CATSPERG: variants seen among roughly 807,000 people sequenced by gnomAD.
CATSPERG encodes catsper channel auxiliary subunit gamma, also known as cation channel sperm-associated auxiliary subunit gamma.
In CATSPERG, 115 loss-of-function variants were observed where a neutral mutation model predicts 145.0. The ratio of observed to expected loss-of-function variants is 0.79; its 90% CI spans 0.68 to 0.93. The LOEUF is 0.93. Among genes scored for constraint, CATSPERG ranks in the 40% least tolerant of loss-of-function variants. The pLI, the probability that CATSPERG is intolerant of heterozygous loss-of-function variation, is 0.00. For synonymous variants in CATSPERG, 588 were observed against 589.0 expected (o/e 1.00, Z 0.02); for missense variants, 1,296 against 1,490.1 (o/e 0.87, Z 2.14).
rs1457655650 is a variant in CATSPERG, at chr19:38,344,899, A to AT, written c.669+532dup. The stretch of plus-strand genomic sequence containing the variant: ...CACACACACATATATATATATATAT[A>AT]TATTTTTTTTTTTTTTTTTTTTTTT... On this transcript the variant is annotated intron_variant, in intron 6 of 28. Transcript: ENST00000409235. Among the ~76,000 whole-genome samples the AT allele has an allele frequency of 5.2e-3, 486 of 93,048 alleles. 67 individuals are homozygous for AT. The highest frequency in any genetic ancestry group is 0.011 in the Admixed American group (78 of 7,050). The allele number at this position is 93,048 out of a possible 152,430, so 61.0% of individuals were successfully genotyped here.
chr19:38,337,618 T>A lies in CATSPERG; in HGVS notation c.296T>A (p.Leu99Gln). The change falls in exon 3 of 29, where the codon CTG (leucine) becomes CAG (glutamine). Residue 99 changes from leucine (L) to glutamine (Q), a missense_variant. Leu to Gln is a moderately radical substitution (Grantham distance 113, BLOSUM62 -2). Transcript: ENST00000409235. Reference protein sequence around the residue: ...SEKYLGFPYYLKINYSCEEKP... With the variant: ...SEKYLGFPYYQKINYSCEEKP... Reference sequence around the variant, plus strand: ...AAATACCTGGGCTTCCCTTACTACCTGAAGATCAACTACTCCTGCGAGGAA... The same window carrying A: ...AAATACCTGGGCTTCCCTTACTACCAGAAGATCAACTACTCCTGCGAGGAA... 6.4e-7 allele frequency: 1 copy of A among 1,551,724 alleles called. No homozygotes were observed. The highest frequency in any genetic ancestry group is 8.7e-7 in the Non-Finnish European group (1 of 1,147,010).
chr19:38,361,954 C>T (rs1970354413), intron 17 of CATSPERG, 93 bp downstream of exon 17: 3 of 386,748 alleles, frequency 7.8e-6, no homozygotes, highest in South Asian at 6.1e-5. Context: ...CGGAGCGCAG[C>T]GGGATTGGAG....
chr19:38,365,222 T>C, intron 22 of CATSPERG, 105 bp downstream of exon 22: 3 of 979,014 alleles, frequency 3.1e-6, no homozygotes, highest in Middle Eastern at 3.2e-4. Context: ...TAATTTCCTT[T>C]CTTCTCATTC....
chr19:38,362,787 G>T lies in CATSPERG; in HGVS notation c.2430G>T (p.Ser810=). The change falls in exon 20 of 29, where the codon TCG becomes TCT. Residue 810 remains serine, a synonymous_variant. Transcript: ENST00000409235. The stretch of plus-strand genomic sequence containing the variant: ...CCGACCCCGGCTGCATCGAGGCCTC[G>T]GTGAAGCAGGAGGTCCTGATTAATC... The part of the protein sequence containing the change: ...VLADPGCIEA[S]VKQEVLINRN... The T allele has an allele frequency of 6.2e-7, 1 of 1,614,170 alleles. No individual in the cohort carries two copies. The highest frequency in any genetic ancestry group is 8.5e-7 in the Non-Finnish European group (1 of 1,180,022).
At chr19:38,354,383 T>G (rs1030283450) in intron 8 of CATSPERG, among the ~76,000 whole-genome samples, 2 of 152,202 alleles carry the variant, frequency 1.3e-5, no homozygotes, top group Admixed American at 1.3e-4. Context: ...TGCCCCTCAG[T>G]AGCCCCAGAA....
Position 38,367,166 on chromosome 19 carries a change from T to A in CATSPERG, c.2624T>A (p.Met875Lys), listed in dbSNP as rs778865139. The A allele has an allele frequency of 6.2e-7, 1 of 1,612,868 alleles. No individual in the cohort carries two copies. Among genetic ancestry groups the A allele is most frequent in the Non-Finnish European group, 8.5e-7 (1 of 1,179,538 alleles). Reference protein sequence around the residue: ...HLGPHMQGNLMVPVFIGCPPG... With the variant: ...HLGPHMQGNLKVPVFIGCPPG... The stretch of plus-strand genomic sequence containing the variant: ...TTTCCTCCCACCGAGGGCAACCTGA[T>A]GGTGCCAGTGTTCATTGGCTGCCCC... The change falls in exon 23 of 29, where the codon ATG (methionine) becomes AAG (lysine). Residue 875 changes from methionine (M) to lysine (K), a missense_variant. Physicochemically the swap from Met to Lys is moderately conservative, Grantham distance 95. Coordinates refer to ENST00000409235, the MANE Select transcript of CATSPERG (RefSeq NM_021185.5).
chr19:38,361,393 AAAGAT>A (rs1970341561), intron 16 of CATSPERG, among the ~76,000 whole-genome samples: 1 of 152,116 alleles, frequency 6.6e-6, no homozygotes, highest in African/African-American at 2.4e-5. Flanking sequence ...GAGATGGAAT[AAAGAT>A]AAGAGGTCAA....
intron 24 of CATSPERG, 23 bp from the exon 25 acceptor site, chr19:38,367,656 CTG>C (rs1303821457): frequency 1.2e-6 from 2 of 1,613,296 alleles, no homozygotes; most frequent in Non-Finnish European, 1.7e-6. Context: ...GGAGGCCAGT[CTG>C]TGTGCACTTC....
At chr19:38,367,842 G>T in intron 25 of CATSPERG, 66 bp downstream of exon 25, 1 of 1,478,522 alleles carries the variant, frequency 6.8e-7, no homozygotes, top group Non-Finnish European at 9.4e-7. Context: ...CCACTTCCAA[G>T]CCAAGCCCAC....
intron 26 of CATSPERG, among the ~76,000 whole-genome samples, chr19:38,369,133 CAA>C (rs1292373293): frequency 6.6e-6 from 1 of 151,930 alleles, no homozygotes; most frequent in Admixed American, 6.6e-5. Context: ...AATGGAGAAA[CAA>C]ATTCATATAT....
intron 7 of CATSPERG, 58 bp from the exon 8 acceptor site, chr19:38,352,203 G>T: frequency 1.3e-6 from 2 of 1,513,990 alleles, no homozygotes; most frequent in Non-Finnish European, 8.9e-7. Context: ...CCGCAAGGCA[G>T]GACATGGGGG....
At chr19:38,349,914 C>G (rs1164001407) in intron 7 of CATSPERG, among the ~76,000 whole-genome samples, 1 of 152,082 alleles carries the variant, frequency 6.6e-6, no homozygotes, top group African/African-American at 2.4e-5. Context: ...ATCTGCCCGC[C>G]TTGGCCTCCC....
In CATSPERG at chr19:38,343,582, C is replaced by A; in HGVS notation, c.327C>A (p.Pro109=). The A allele has an allele frequency of 6.5e-7, 1 of 1,547,528 alleles. No individual in the cohort carries two copies. The highest frequency in any genetic ancestry group is 8.7e-7 in the Non-Finnish European group (1 of 1,145,024). The change falls in exon 4 of 29, where the codon CCC becomes CCA. Residue 109 remains proline (P), a splice_region_variant and synonymous_variant. Coordinates refer to ENST00000409235, the MANE Select transcript of CATSPERG (RefSeq NM_021185.5). ...LKINYSCEEK[P]SEDLVRMGHL... is the part of the protein sequence containing the mutation. ...TTGTGGGGCCATCTCACCCTCAGCC[C>A]TCTGAGGACCTGGTGCGCATGGGCC...
chr19:38,363,445 TGTGAGGC>T (rs1970388274), intron 20 of CATSPERG, among the ~76,000 whole-genome samples: 1 of 151,044 alleles, frequency 6.6e-6, no homozygotes, highest in Non-Finnish European at 1.5e-5. Context: ...AGGTGTGAGG[TGTGAGGC>T]ATGAACCACC....
At chr19:38,344,893 A>G (rs1970009371) in intron 6 of CATSPERG, among the ~76,000 whole-genome samples, 1 of 106,288 alleles carries the variant, frequency 9.4e-6, no homozygotes, top group South Asian at 3.5e-4. Flanking sequence ...ATATATATAT[A>G]TATATATATT....
intron 8 of CATSPERG, 110 bp downstream of exon 8, chr19:38,352,542 C>A: frequency 9.8e-7 from 1 of 1,021,782 alleles, no homozygotes; most frequent in African/African-American, 1.6e-5. Context: ...GGGGAAGGAA[C>A]TTGCCAAGGC....
At chr19:38,359,332 G>A (rs1482816967) in intron 13 of CATSPERG, 138 bp from the exon 14 acceptor site, 1 of 542,146 alleles carries the variant, frequency 1.8e-6, no homozygotes, top group African/African-American at 1.9e-5. Context: ...GGGGTGGGGG[G>A]CGGGAGCTAG....
chr19:38,369,991 G>A lies in CATSPERG; in HGVS notation c.3040G>A (p.Ala1014Thr), dbSNP rs756023189. Residue 1014 changes from alanine (A) to threonine (T), a missense_variant, in exon 27 of 29, where the codon GCC (alanine) becomes ACC (threonine). Physicochemically the swap from Ala to Thr is moderately conservative, Grantham distance 58. Coordinates refer to ENST00000409235, the MANE Select transcript of CATSPERG (RefSeq NM_021185.5). ...PGIEWLCLEN[A>T]PCYDNVPQGI... is the part of the protein sequence containing the mutation. The stretch of plus-strand genomic sequence containing the variant: ...TTGCAGGTGGCTCTGTCTGGAGAAT[G>A]CCCCATGCTATGACAATGTTCCCCA... The A allele has an allele frequency of 1.9e-5, 31 of 1,614,106 alleles. No individual in the cohort carries two copies. The highest frequency in any genetic ancestry group is 3.3e-5 in the Admixed American group (2 of 60,002).
Position 38,370,203 on chromosome 19 carries a change from T to C in CATSPERG, c.3158T>C (p.Leu1053Pro), listed in dbSNP as rs1970522235. 1 of 1,613,928 alleles carries C rather than the reference T, an allele frequency of 6.2e-7. No individual in the cohort carries two copies. Among genetic ancestry groups the C allele is most frequent in the Non-Finnish European group, 8.5e-7 (1 of 1,180,030 alleles). Residue 1053 changes from leucine to proline, a missense_variant, in exon 28 of 29, where the codon CTG becomes CCG. Physicochemically the swap from Leu to Pro is moderately conservative, Grantham distance 98. Transcript: ENST00000409235. ...STYCNYQLTFLLHIHGLPLSP... is the reference protein window; with the variant it reads ...STYCNYQLTFPLHIHGLPLSP... ...TACTGCAACTACCAGCTCACCTTCCTGCTGCACATCCACGGGCTGCCACTC... is the reference window on the plus strand; with the variant it reads ...TACTGCAACTACCAGCTCACCTTCCCGCTGCACATCCACGGGCTGCCACTC...
Sources: allele counts gnomAD v4.1 joint callset (sites outside exome capture counted in the v4.1 genomes callset), GRCh38; gene constraint gnomAD v4.1.1; transcripts MANE v1.5; gene names NCBI Gene and HGNC (gene_info 2026-07-23, HGNC 2026-07-21).